The following HMBOX1 variants were observed in gnomAD, a reference collection of about 807,000 sequenced individuals.
HMBOX1 encodes homeobox-containing protein 1.
In HMBOX1, 14 loss-of-function variants were observed where a neutral mutation model predicts 54.5. That is an observed-to-expected ratio of 0.26 (90% confidence interval 0.17 to 0.40). The LOEUF (loss-of-function observed/expected upper bound fraction) is 0.40, where lower values mean the gene tolerates loss of function less well. Ranked by LOEUF, HMBOX1 falls within the 10% of genes least tolerant of loss-of-function variation. The pLI is 1.00. For missense variants in HMBOX1, 332 were observed against 514.4 expected (o/e 0.65, Z 3.43); for synonymous variants, 160 against 181.0 (o/e 0.88, Z 0.93).
At chr8:28,948,945 G>A (rs1252941535) in intron 1 of HMBOX1, among the ~76,000 whole-genome samples, 1 of 152,136 alleles carries the variant, frequency 6.6e-6, no homozygotes, top group Non-Finnish European at 1.5e-5. Flanking sequence ...TCTAGTAATT[G>A]TTTATTATAC....
chr8:29,015,844 G>GCATT (rs1285588866), intron 5 of HMBOX1, among the ~76,000 whole-genome samples: 5 of 152,116 alleles, frequency 3.3e-5, no homozygotes, highest in African/African-American at 1.2e-4. Context: ...CTGCTCCAGT[G>GCATT]CATTCATAGC....
At chr8:29,028,848 ATC>A (rs375452174) in intron 6 of HMBOX1, among the ~76,000 whole-genome samples, 9 of 152,316 alleles carry the variant, frequency 5.9e-5, no homozygotes, top group African/African-American at 2.2e-4. Flanking sequence ...TTTTATAGCA[ATC>A]TCTGAATAAT....
chr8:28,976,700 C>A (rs976452325), intron 3 of HMBOX1, among the ~76,000 whole-genome samples: 2 of 147,144 alleles, frequency 1.4e-5, no homozygotes, highest in Non-Finnish European at 3.0e-5. Context: ...CTTTTCTTTT[C>A]TTTTTTTTCT....
intron 4 of HMBOX1, among the ~76,000 whole-genome samples, chr8:28,998,779 G>A (rs947672827): frequency 2.0e-5 from 3 of 151,730 alleles, no homozygotes; most frequent in Non-Finnish European, 4.4e-5. Context: ...TAAATCCCTT[G>A]TCATTTCTTT....
intron 4 of HMBOX1, among the ~76,000 whole-genome samples, chr8:28,986,792 C>G (rs1161452786): frequency 1.3e-5 from 2 of 152,092 alleles, no homozygotes; most frequent in South Asian, 2.1e-4. Flanking sequence ...AATCTCATTT[C>G]CTTCTATCTT....
chr8:28,909,149 T>G (rs1282730028), intron 1 of HMBOX1, among the ~76,000 whole-genome samples: 1 of 151,880 alleles, frequency 6.6e-6, no homozygotes, highest in Non-Finnish European at 1.5e-5. Flanking sequence ...AGTTGGGGCA[T>G]TTGAAAGCAT....
chr8:28,961,894 ATT>A (rs911989856), intron 1 of HMBOX1, among the ~76,000 whole-genome samples: 19 of 107,674 alleles, frequency 1.8e-4, no homozygotes, highest in Admixed American at 9.0e-4. Flanking sequence ...GTGTCATTTT[ATT>A]TTTTTTTTTT....
chr8:28,930,002 A>AG (rs1400488654), intron 1 of HMBOX1, among the ~76,000 whole-genome samples: 1 of 134,032 alleles, frequency 7.5e-6, no homozygotes, highest in Non-Finnish European at 1.5e-5. Flanking sequence ...CTCCTACATC[A>AG]GCAGTCTTTT....
intron 4 of HMBOX1, among the ~76,000 whole-genome samples, chr8:28,988,142 G>A (rs1221534056): frequency 6.6e-6 from 1 of 152,098 alleles, no homozygotes; most frequent in African/African-American, 2.4e-5. Context: ...CTATTGATTT[G>A]CCTTTTCTAG....
At chr8:28,949,851 C>T (rs1353169705) in intron 1 of HMBOX1, 2 of 152,100 alleles carry the variant, frequency 1.3e-5, no homozygotes, top group Admixed American at 6.5e-5. Context: ...TATTTGCTGT[C>T]CTGAGGCCAG....
intron 4 of HMBOX1, among the ~76,000 whole-genome samples, chr8:29,001,891 G>C (rs776772603): frequency 2.0e-5 from 3 of 152,218 alleles, no homozygotes; most frequent in Non-Finnish European, 4.4e-5. Flanking sequence ...ATTCAGAACA[G>C]AATGTAAATG....
chr8:28,938,036 C>T (rs1356910699), intron 1 of HMBOX1, among the ~76,000 whole-genome samples: 1 of 152,110 alleles, frequency 6.6e-6, no homozygotes, highest in Non-Finnish European at 1.5e-5. Context: ...GCCAGGATAA[C>T]AGGCTTTTGT....
chr8:28,954,872 T>C (rs2132165598), intron 1 of HMBOX1, among the ~76,000 whole-genome samples: 1 of 152,316 alleles, frequency 6.6e-6, no homozygotes, highest in South Asian at 2.1e-4. Context: ...AAGTTTACTT[T>C]TTTTCTGTAC....
intron 1 of HMBOX1, among the ~76,000 whole-genome samples, chr8:28,894,505 T>A (rs983943156): frequency 5.3e-5 from 8 of 152,216 alleles, no homozygotes; most frequent in African/African-American, 1.9e-4. Flanking sequence ...TAAAATACAG[T>A]TCTCTCAAAA....
At chr8:29,020,035 A>G (rs1800929927) in intron 6 of HMBOX1, among the ~76,000 whole-genome samples, 1 of 152,228 alleles carries the variant, frequency 6.6e-6, no homozygotes, top group Non-Finnish European at 1.5e-5. Flanking sequence ...GAAGCCATTT[A>G]TTGAATAATG....
At chr8:28,914,294 T>G (rs904079308) in intron 1 of HMBOX1, among the ~76,000 whole-genome samples, 4 of 152,180 alleles carry the variant, frequency 2.6e-5, no homozygotes, top group African/African-American at 9.6e-5. Context: ...TTTATAAACC[T>G]GCATTGTCAA....
intron 5 of HMBOX1, chr8:29,009,848 T>G: frequency 8.3e-7 from 1 of 1,203,598 alleles, no homozygotes; most frequent in South Asian, 1.6e-5. Context: ...AAATCTGAAG[T>G]TATGGGACTA....
chr8:28,937,782 A>G (rs1453883984), intron 1 of HMBOX1, among the ~76,000 whole-genome samples: 1 of 152,244 alleles, frequency 6.6e-6, no homozygotes, highest in Non-Finnish European at 1.5e-5. Flanking sequence ...AAGGTAATTT[A>G]TGGGAGAAAA....
At position 29,008,944 on chromosome 8, in the gene HMBOX1, T is replaced by C. The variant is rs1833845873; in HGVS notation, c.587-128T>C. The C allele has an allele frequency of 2.4e-5, 15 of 618,890 alleles. 1 individual carries two copies. In the South Asian group the frequency reaches 3.1e-4, roughly 13 times the overall value. The allele number at this position is 618,890 out of a possible 1,614,324, so 38.3% of individuals were successfully genotyped here. On this transcript the variant is annotated intron_variant, in intron 4 of 9. Coordinates refer to ENST00000287701, the MANE Select transcript of HMBOX1 (RefSeq NM_001135726.3). ...ACAAAGGAATCCAATAATAGTTTGCTCAGGTTGCAACTTCCTTATGGACTG... is the reference window on the plus strand; with the variant it reads ...ACAAAGGAATCCAATAATAGTTTGCCCAGGTTGCAACTTCCTTATGGACTG...
Sources: allele counts gnomAD v4.1 joint callset (sites outside exome capture counted in the v4.1 genomes callset), GRCh38; gene constraint gnomAD v4.1.1; transcripts MANE v1.5; gene names NCBI Gene and HGNC (gene_info 2026-07-23, HGNC 2026-07-21).